The following ASIC2 variants were observed in gnomAD, a reference collection of about 807,000 sequenced individuals.
ASIC2 encodes acid-sensing ion channel 2.
ASIC2 carries 25 observed loss-of-function variants against 57.3 expected under a neutral mutation model. That is an observed-to-expected ratio of 0.44 (90% CI 0.32 to 0.61). The LOEUF is 0.61. Among genes scored for constraint, ASIC2 ranks in the 20% least tolerant of loss-of-function variants. ASIC2 has a pLI of 0.06. For synonymous variants in ASIC2, 319 were observed against 307.5 expected, an observed-to-expected ratio of 1.04 and a Z score of -0.39; for missense variants, 641 against 738.1, an observed-to-expected ratio of 0.87 and a Z score of 1.52.
At chr17:33,392,202 CCTTCCT>C in intron 1 of ASIC2, among the ~76,000 whole-genome samples, 1 of 126,382 alleles carries the variant, frequency 7.9e-6, no homozygotes, top group Non-Finnish European at 1.9e-5. Flanking sequence ...TTCCCTCCTT[CCTTCCT>C]TCCTTCCTTC....
chr17:34,003,337 A>G (rs941977010), intron 1 of ASIC2: 1 of 152,218 alleles, frequency 6.6e-6, no homozygotes, highest in South Asian at 2.1e-4. Context: ...AATGAGATGA[A>G]GAAAAAAGTA....
chr17:33,714,312 C>A (rs916894892), intron 1 of ASIC2, among the ~76,000 whole-genome samples: 1 of 152,082 alleles, frequency 6.6e-6, no homozygotes, highest in Non-Finnish European at 1.5e-5. Flanking sequence ...ACGTTCATTG[C>A]AACATTCATT....
intron 1 of ASIC2, among the ~76,000 whole-genome samples, chr17:34,078,151 T>C (rs181611651): frequency 1.3e-3 from 194 of 152,294 alleles, no homozygotes; most frequent in African/African-American, 4.3e-3. Flanking sequence ...GGTCCAGGTA[T>C]ACCTATGGCT....
At chr17:33,640,938 A>G (rs1906543243) in intron 1 of ASIC2, among the ~76,000 whole-genome samples, 1 of 152,222 alleles carries the variant, frequency 6.6e-6, no homozygotes, top group Non-Finnish European at 1.5e-5. Flanking sequence ...AGACACTTGC[A>G]CTTGAGTCCC....
intron 1 of ASIC2, among the ~76,000 whole-genome samples, chr17:33,566,538 A>T (rs1916238938): frequency 6.6e-6 from 1 of 152,212 alleles, no homozygotes. Context: ...ACATGTTATT[A>T]GCCAGTGGAG....
At chr17:34,077,491 G>A (rs192689572) in intron 1 of ASIC2, among the ~76,000 whole-genome samples, 51 of 152,342 alleles carry the variant, frequency 3.3e-4, no homozygotes, top group African/African-American at 1.2e-3. Flanking sequence ...CTGATTGAAA[G>A]TCTTCAGAAC....
rs149708253 is a variant in ASIC2 at position 33,148,573 on chromosome 17, T to C, written c.709-36506A>G. ...TTCTGCCATTACCATGGCTGTGCCA[T>C]TTACTTAACCTTACTGTGTTTCAGT... is the stretch of plus-strand genomic sequence containing the variant. On this transcript the variant is annotated intron_variant, in intron 1 of 9. Transcript: ENST00000225823. Among the ~76,000 whole-genome samples, 462 of 152,350 alleles carry C rather than the reference T, an allele frequency of 3.0e-3. 1 individual carries two copies. Among genetic ancestry groups the C allele is most frequent in the South Asian group, 6.0e-3 (29 of 4,832 alleles).
chr17:33,056,534 C>G (rs2091998734), intron 3 of ASIC2, among the ~76,000 whole-genome samples: 1 of 152,132 alleles, frequency 6.6e-6, no homozygotes, highest in Non-Finnish European at 1.5e-5. Context: ...TGAACCTTTT[C>G]CAAGCTCCTT....
At chr17:34,138,062 G>A (rs1567835390) in intron 1 of ASIC2, among the ~76,000 whole-genome samples, 1 of 152,190 alleles carries the variant, frequency 6.6e-6, no homozygotes, top group Non-Finnish European at 1.5e-5. Flanking sequence ...CAAACTGGGA[G>A]CAGAAGAATA....
rs532946102 is a variant in ASIC2 at position 34,035,660 on chromosome 17, T to C, written c.555+120318A>G. 7.6e-4 allele frequency among the ~76,000 whole-genome samples: 115 copies of C among 152,152 alleles called. No individual in the cohort carries two copies. In the South Asian group the frequency reaches 0.021, roughly 27 times the overall value. On this transcript the variant is annotated intron_variant, in intron 1 of 9. Transcript: ENST00000359872. ...TGACAAAGGGCTAATATCTAGAATCTACAATGAACTCAAACAAATTTACAA... is the reference window on the plus strand; with the variant it reads ...TGACAAAGGGCTAATATCTAGAATCCACAATGAACTCAAACAAATTTACAA...
At chr17:34,051,084 C>T (rs114661584) in intron 1 of ASIC2, among the ~76,000 whole-genome samples, 1 of 152,322 alleles carries the variant, frequency 6.6e-6, no homozygotes, top group African/African-American at 2.4e-5. Flanking sequence ...TCCTGCAACT[C>T]TTGGGTGTAG....
chr17:33,762,186 G>A (rs1305114074), intron 1 of ASIC2, among the ~76,000 whole-genome samples: 1 of 152,128 alleles, frequency 6.6e-6, no homozygotes, highest in Non-Finnish European at 1.5e-5. Context: ...AGCCCTGGAG[G>A]AATGGTGACA....
chr17:33,558,674 C>G (rs1915981929), intron 1 of ASIC2, among the ~76,000 whole-genome samples: 1 of 152,186 alleles, frequency 6.6e-6, no homozygotes, highest in South Asian at 2.1e-4. Flanking sequence ...ATCAGCTCTA[C>G]TACTGTAACC....
chr17:33,643,907 A>G (rs1906659957), intron 1 of ASIC2, among the ~76,000 whole-genome samples: 1 of 152,240 alleles, frequency 6.6e-6, no homozygotes, highest in Non-Finnish European at 1.5e-5. Context: ...AAAAACGGCT[A>G]GTACCCAACA....
intron 1 of ASIC2, among the ~76,000 whole-genome samples, chr17:34,125,796 C>T (rs547377742): frequency 1.2e-4 from 18 of 152,310 alleles, no homozygotes; most frequent in African/African-American, 3.6e-4. Context: ...ATACCACAGC[C>T]GCTAAGACAT....
intron 1 of ASIC2, among the ~76,000 whole-genome samples, chr17:33,248,090 T>G (rs1310423947): frequency 6.6e-6 from 1 of 152,170 alleles, no homozygotes; most frequent in African/African-American, 2.4e-5. Context: ...CAGCTGAAAC[T>G]GGGTTGGTCA....
At position 33,291,360 on chromosome 17, in the gene ASIC2, C is replaced by T. The variant is rs1055189992; in HGVS notation, c.708+48G>A. The T allele has an allele frequency of 2.6e-6, 4 of 1,549,206 alleles. No homozygotes were observed. In the Admixed American group the frequency reaches 5.5e-5, roughly 21 times the overall value. On this transcript the variant is annotated intron_variant, in intron 1 of 9. Coordinates refer to ENST00000225823, the MANE Select transcript of ASIC2 (RefSeq NM_183377.2). ...GCGGAACACCAGGCCTCCTGACTGCCGGGGAGTGGGGCGCAGAGGGAGCGG... is the reference window on the plus strand; with the variant it reads ...GCGGAACACCAGGCCTCCTGACTGCTGGGGAGTGGGGCGCAGAGGGAGCGG...
At chr17:34,022,646 A>G (rs1351101495) in intron 1 of ASIC2, among the ~76,000 whole-genome samples, 2 of 151,958 alleles carry the variant, frequency 1.3e-5, no homozygotes, top group Non-Finnish European at 2.9e-5. Context: ...AAAAACAAAA[A>G]AAAAAACAAA....
At chr17:33,259,710 C>T (rs1450240698) in intron 1 of ASIC2, among the ~76,000 whole-genome samples, 3 of 152,192 alleles carry the variant, frequency 2.0e-5, no homozygotes, top group Non-Finnish European at 2.9e-5. Flanking sequence ...AGGTGTCATG[C>T]ACCCAGCTGG....
Sources: allele counts gnomAD v4.1 joint callset (sites outside exome capture counted in the v4.1 genomes callset), GRCh38; gene constraint gnomAD v4.1.1; transcripts MANE v1.5; gene names NCBI Gene and HGNC (gene_info 2026-07-23, HGNC 2026-07-21).